NUP205: variants seen among roughly 807,000 people sequenced by gnomAD.
NUP205 encodes nuclear pore complex protein Nup205.
Under a neutral mutation model 253.8 loss-of-function variants are expected in NUP205, and 76 were observed. The ratio of observed to expected loss-of-function variants is 0.30; its 90% CI spans 0.25 to 0.36. NUP205 has a LOEUF of 0.36. NUP205 is among the 10% of genes least tolerant of loss of function. The probability of loss-of-function intolerance (pLI) is 1.00; values close to 1 mark genes in which losing one functional copy is unlikely to be tolerated. For missense variants in NUP205, 2,162 were observed against 2,425.5 expected (o/e 0.89, Z 2.28); for synonymous variants, 832 against 850.1 (o/e 0.98, Z 0.37).
At chr7:135,607,827 G>A (rs1417994662) in intron 22 of NUP205, among the ~76,000 whole-genome samples, 1 of 151,674 alleles carries the variant, frequency 6.6e-6, no homozygotes, top group African/African-American at 2.4e-5. Context: ...TTTTTAAGAA[G>A]GGGTCTCACT....
At chr7:135,569,390 A>C (rs1805880667) in intron 1 of NUP205, among the ~76,000 whole-genome samples, 1 of 152,140 alleles carries the variant, frequency 6.6e-6, no homozygotes. Flanking sequence ...TATTTTTGAA[A>C]TACCTAAATT....
intron 1 of NUP205, among the ~76,000 whole-genome samples, chr7:135,565,731 C>G (rs753470593): frequency 3.9e-5 from 6 of 152,192 alleles, no homozygotes; most frequent in Non-Finnish European, 8.8e-5. Context: ...ACCTCTTATC[C>G]TTGTTTCCTG....
At chr7:135,590,582 G>C (rs1806603429) in intron 10 of NUP205, among the ~76,000 whole-genome samples, 1 of 149,370 alleles carries the variant, frequency 6.7e-6, no homozygotes, top group East Asian at 2.0e-4. Context: ...TGCCAGGCTA[G>C]AGTGCAGTGG....
chr7:135,638,004 A>G lies in NUP205; in HGVS notation c.5210A>G (p.Asn1737Ser), dbSNP rs776206599. 6.2e-7 allele frequency: 1 copy of G among 1,614,110 alleles called. No individual in the cohort carries two copies. The highest frequency in any genetic ancestry group is 8.5e-7 in the Non-Finnish European group (1 of 1,179,938). The change falls in exon 37 of 43, where the codon AAT (asparagine) becomes AGT (serine). Residue 1737 changes from asparagine (N) to serine (S), a missense_variant. Coordinates refer to ENST00000285968, the MANE Select transcript of NUP205 (RefSeq NM_015135.3). ...RLRQFKFQDD[N>S]VEGDKVSKKD... ...CGTCAGTTTAAATTTCAAGACGATA[A>G]TGTGGAGGGAGATAAAGTAAGCAAG...
intron 1 of NUP205, among the ~76,000 whole-genome samples, chr7:135,562,089 C>T (rs1805598525): frequency 6.6e-6 from 1 of 152,054 alleles, no homozygotes; most frequent in African/African-American, 2.4e-5. Flanking sequence ...TACTGACTCC[C>T]TTTTCATACC....
chr7:135,632,607 C>G (rs1794735803), intron 35 of NUP205, among the ~76,000 whole-genome samples: 1 of 151,982 alleles, frequency 6.6e-6, no homozygotes, highest in Admixed American at 6.6e-5. Flanking sequence ...ACAGTGCCAG[C>G]TGAGTTACTT....
intron 11 of NUP205, among the ~76,000 whole-genome samples, chr7:135,592,201 C>G (rs1455414349): frequency 6.6e-6 from 1 of 152,248 alleles, no homozygotes; most frequent in Non-Finnish European, 1.5e-5. Context: ...AGTGTTCTGA[C>G]TACTCTGTCA....
intron 1 of NUP205, among the ~76,000 whole-genome samples, chr7:135,567,289 A>T (rs1384868609): frequency 6.9e-6 from 1 of 145,458 alleles, no homozygotes; most frequent in Non-Finnish European, 1.5e-5. Context: ...CCTTTAAAAA[A>T]TTTTTTTTTC....
intron 28 of NUP205, among the ~76,000 whole-genome samples, 188 bp from the exon 29 acceptor site, chr7:135,619,235 G>A (rs1422291186): frequency 2.6e-5 from 4 of 151,856 alleles, no homozygotes; most frequent in African/African-American, 7.3e-5. Context: ...TCACAGTTGC[G>A]GGAGGCTGAG....
At position 135,625,972 on chromosome 7, in the gene NUP205, A is replaced by G. The variant is rs551511948; in HGVS notation, c.4672-268A>G. Among the ~76,000 whole-genome samples, 6 of 152,322 alleles carry G rather than the reference A, an allele frequency of 3.9e-5. No homozygotes were observed. The South Asian group carries it at 8.3e-4, about 21-fold the overall frequency. Reference sequence around the variant, plus strand: ...AAACAGACAAAATTCCTTGCCCTCCATGGGCCCACATGATAATAACAGGAC... The same window carrying G: ...AAACAGACAAAATTCCTTGCCCTCCGTGGGCCCACATGATAATAACAGGAC... On this transcript the variant is annotated intron_variant, in intron 32 of 42. Coordinates refer to ENST00000285968, the MANE Select transcript of NUP205 (RefSeq NM_015135.3).
At chr7:135,628,718 T>A (rs1358452153) in intron 34 of NUP205, among the ~76,000 whole-genome samples, 1 of 152,252 alleles carries the variant, frequency 6.6e-6, no homozygotes, top group African/African-American at 2.4e-5. Flanking sequence ...TTATCATGAA[T>A]CTACAACCTT....
intron 27 of NUP205, 148 bp downstream of exon 27, chr7:135,617,830 T>C (rs1794392953): frequency 2.2e-6 from 1 of 464,972 alleles, no homozygotes; most frequent in Non-Finnish European, 3.9e-6. Flanking sequence ...CTTTTGATTT[T>C]ATAACTTTTA....
intron 16 of NUP205, 67 bp from the exon 17 acceptor site, chr7:135,601,303 A>G: frequency 7.2e-7 from 1 of 1,388,092 alleles, no homozygotes; most frequent in Non-Finnish European, 1.0e-6. Context: ...CATACATTTC[A>G]TATAAATCAA....
At chr7:135,639,223 G>A (rs1794873551) in intron 38 of NUP205, among the ~76,000 whole-genome samples, 1 of 152,044 alleles carries the variant, frequency 6.6e-6, no homozygotes, top group Non-Finnish European at 1.5e-5. Flanking sequence ...TTAGTATCTT[G>A]GTGGGGATAA....
intron 5 of NUP205, among the ~76,000 whole-genome samples, chr7:135,577,523 G>T (rs1234455349): frequency 6.6e-6 from 1 of 152,090 alleles, no homozygotes; most frequent in African/African-American, 2.4e-5. Flanking sequence ...AAATTGACTT[G>T]CAGTTGTTTC....
intron 35 of NUP205, chr7:135,635,290 ATTACT>A (rs1794786133): frequency 5.0e-6 from 1 of 199,126 alleles, no homozygotes; most frequent in Admixed American, 5.9e-5. Flanking sequence ...AATTTAGAAA[ATTACT>A]TTTATCATTA....
In NUP205 at chr7:135,627,988, A is replaced by G. The variant is rs1327479263; in HGVS notation, c.4809A>G (p.Arg1603=). ...ETDPQSMFGM[R]DPPMFIPTPV... Reference sequence around the variant, plus strand: ...TTGAAATAAGCATGTTTGGCATGAGAGACCCTCCAATGTTCATCCCTACCC... The same window carrying G: ...TTGAAATAAGCATGTTTGGCATGAGGGACCCTCCAATGTTCATCCCTACCC... Residue 1603 remains arginine (R), a synonymous_variant, in exon 34 of 43, where the codon AGA becomes AGG. Transcript: ENST00000285968. The G allele has an allele frequency of 1.7e-5, 28 of 1,612,100 alleles. No homozygotes were observed. Among genetic ancestry groups the G allele is most frequent in the Non-Finnish European group, 2.3e-5 (27 of 1,179,560 alleles).
chr7:135,608,666 C>T (rs1452012733), intron 22 of NUP205, among the ~76,000 whole-genome samples: 1 of 152,036 alleles, frequency 6.6e-6, no homozygotes, highest in Non-Finnish European at 1.5e-5. Flanking sequence ...CAAGATCATG[C>T]CACTGCACTC....
chr7:135,621,132 G>C (rs1367015216), intron 30 of NUP205, among the ~76,000 whole-genome samples: 1 of 152,166 alleles, frequency 6.6e-6, no homozygotes, highest in Non-Finnish European at 1.5e-5. Flanking sequence ...GTGTACGTAA[G>C]GTTGACTTGA....
Sources: allele counts gnomAD v4.1 joint callset (sites outside exome capture counted in the v4.1 genomes callset), GRCh38; gene constraint gnomAD v4.1.1; transcripts MANE v1.5; gene names NCBI Gene and HGNC (gene_info 2026-07-23, HGNC 2026-07-21).